Variants in RBFOX1 observed in about 807,000 individuals in gnomAD.
RBFOX1 encodes RNA binding protein fox-1 homolog 1.
A neutral mutation model predicts 57.7 loss-of-function variants in RBFOX1; 8 were observed. That is an observed-to-expected ratio of 0.14 (90% CI 0.08 to 0.25). RBFOX1 has a LOEUF of 0.25. RBFOX1 is among the 10% of genes least tolerant of loss of function. The pLI, the probability that RBFOX1 is intolerant of heterozygous loss-of-function variation, is 1.00. For synonymous variants in RBFOX1, 326 were observed against 222.4 expected, an observed-to-expected ratio of 1.47 and a Z score of -4.15; for missense variants, 611 against 548.5, an observed-to-expected ratio of 1.11 and a Z score of -1.14.
chr16:6,849,916 G>A (rs891686959), intron 3 of RBFOX1, among the ~76,000 whole-genome samples: 6 of 152,144 alleles, frequency 3.9e-5, no homozygotes, highest in Admixed American at 6.5e-5. Context: ...ATATCTCCCA[G>A]TTGACTAGGA....
At chr16:6,855,375 G>A (rs1019467894) in intron 3 of RBFOX1, among the ~76,000 whole-genome samples, 12 of 152,166 alleles carry the variant, frequency 7.9e-5, no homozygotes, top group African/African-American at 2.9e-4. Context: ...ATCTTGGCCG[G>A]GCGCAGTGGC....
rs574345255 is a variant in RBFOX1 at position 5,610,334 on chromosome 16, T to G, written c.318+11373T>G. 7.2e-5 allele frequency: 11 copies of G among 152,332 alleles called. No individual in the cohort carries two copies. In the East Asian group the frequency reaches 1.9e-3, roughly 27 times the overall value. The allele number at this position is 152,332 out of a possible 1,614,324, so 9.4% of individuals were successfully genotyped here. On this transcript the variant is annotated intron_variant, in intron 3 of 19. Transcript: ENST00000641259. ...CATGTTTTATTCACATAGCTTCATG[T>G]GATTGTCAGAGTGTCTCACGGGGTT...
intron 3 of RBFOX1, among the ~76,000 whole-genome samples, chr16:6,983,478 A>G (rs1449904281): frequency 6.6e-6 from 1 of 150,798 alleles, no homozygotes; most frequent in Admixed American, 6.6e-5. Flanking sequence ...ATTATGGAAG[A>G]TGAAAAGGAA....
chr16:6,610,470 G>C lies in RBFOX1; in HGVS notation c.-63-44133G>C, dbSNP rs370831848. 9.9e-5 allele frequency among the ~76,000 whole-genome samples: 15 copies of C among 152,148 alleles called. No homozygotes were observed. The East Asian group carries it at 2.9e-3, about 29-fold the overall frequency. ...AGCCTCCAGAGTAGCTGGAATCACA[G>C]GTGCATGCCACCACACTCAGCTGAT... On this transcript the variant is annotated intron_variant, in intron 2 of 15. Transcript: ENST00000550418.
At chr16:6,557,765 C>G (rs948169377) in intron 2 of RBFOX1, among the ~76,000 whole-genome samples, 1 of 152,184 alleles carries the variant, frequency 6.6e-6, no homozygotes, top group Non-Finnish European at 1.5e-5. Flanking sequence ...TGAAAAATTT[C>G]AGACGGTTCC....
chr16:5,775,409 G>C lies in RBFOX1; in HGVS notation c.319-91894G>C, dbSNP rs180696053. On this transcript the variant is annotated intron_variant, in intron 3 of 19. Transcript: ENST00000641259. ...AACAGAGGGGGTCACTGCGTTGGAG[G>C]GACTGATGCAAGCCAGGCTAGGACT... is the stretch of plus-strand genomic sequence containing the variant. 7.4e-4 allele frequency among the ~76,000 whole-genome samples: 112 copies of C among 152,312 alleles called. 1 individual carries two copies. The highest frequency in any genetic ancestry group is 2.5e-3 in the African/African-American group (103 of 41,570).
At chr16:6,316,489 A>G (rs1354216780) in intron 1 of RBFOX1, among the ~76,000 whole-genome samples, 2 of 152,234 alleles carry the variant, frequency 1.3e-5, no homozygotes, top group Non-Finnish European at 2.9e-5. Context: ...TGCACATTGT[A>G]GAATCCTGCA....
chr16:7,203,436 C>T (rs1464968765), intron 4 of RBFOX1, among the ~76,000 whole-genome samples: 1 of 152,050 alleles, frequency 6.6e-6, no homozygotes, highest in Non-Finnish European at 1.5e-5. Context: ...TATTACAAGA[C>T]AAAAAGAGTT....
Position 5,431,370 on chromosome 16 carries a change from A to G in RBFOX1, c.220-35846A>G, listed in dbSNP as rs1019447471. On this transcript the variant is annotated intron_variant, in intron 1 of 2. Transcript: ENST00000585867. ...GGTTACAGTAATTCTAAGCTGGCTT[A>G]TTTTATTTATTTATTTATTTTTGAG... Among the ~76,000 whole-genome samples, 2 of 151,934 alleles carry G rather than the reference A, an allele frequency of 1.3e-5. 1 individual carries two copies. The highest frequency in any genetic ancestry group is 2.9e-5 in the Non-Finnish European group (2 of 67,978).
chr16:5,759,786 C>G (rs576970334), intron 3 of RBFOX1, among the ~76,000 whole-genome samples: 64 of 129,408 alleles, frequency 4.9e-4, no homozygotes, highest in African/African-American at 1.7e-3. Flanking sequence ...CAGTATTCCT[C>G]TCTGGGATTT....
rs117097325 is a variant in RBFOX1 at position 6,617,723 on chromosome 16, C to T, written c.-63-36880C>T. ...AAGGTGGGCAATAAGGAAGAAGAGACAGCATAGATATTTTGTGCAATTTCA... is the reference window on the plus strand; with the variant it reads ...AAGGTGGGCAATAAGGAAGAAGAGATAGCATAGATATTTTGTGCAATTTCA... On this transcript the variant is annotated intron_variant, in intron 2 of 15. Coordinates refer to ENST00000550418, the MANE Select transcript of RBFOX1 (RefSeq NM_018723.4). Among the ~76,000 whole-genome samples the T allele has an allele frequency of 1.5e-4, 23 of 152,186 alleles. No homozygotes were observed. The East Asian group carries it at 4.3e-3, about 28-fold the overall frequency.
intron 3 of RBFOX1, among the ~76,000 whole-genome samples, chr16:7,049,835 A>G (rs1039164282): frequency 1.9e-4 from 29 of 152,160 alleles, no homozygotes; most frequent in African/African-American, 6.8e-4. Context: ...CTCACCACCC[A>G]CTTCATTTAT....
At chr16:7,616,491 CATAA>C (rs779212188) in intron 10 of RBFOX1, among the ~76,000 whole-genome samples, 6 of 152,204 alleles carry the variant, frequency 3.9e-5, no homozygotes, top group Admixed American at 6.5e-5. Context: ...AGGAATTCAC[CATAA>C]ATAGTTACCA....
chr16:6,594,432 T>C (rs2097756880), intron 2 of RBFOX1, among the ~76,000 whole-genome samples: 1 of 152,046 alleles, frequency 6.6e-6, no homozygotes, highest in Non-Finnish European at 1.5e-5. Flanking sequence ...CAAAAGCAGG[T>C]GGTGGGGGGG....
chr16:7,348,853 A>T (rs2097071185), intron 4 of RBFOX1, among the ~76,000 whole-genome samples: 1 of 152,026 alleles, frequency 6.6e-6, no homozygotes. Context: ...CAGGCAGGAG[A>T]ATCCCTTGAA....
chr16:6,491,081 A>G (rs1025679809), intron 2 of RBFOX1, among the ~76,000 whole-genome samples: 4 of 152,150 alleles, frequency 2.6e-5, no homozygotes, highest in African/African-American at 9.7e-5. Flanking sequence ...AGTATGCAGT[A>G]CTAAAATTTA....
Position 7,711,183 on chromosome 16 carries a change from G to C in RBFOX1, c.*438G>C, listed in dbSNP as rs1252863511. The C allele has an allele frequency of 6.6e-6, 1 of 152,254 alleles. No homozygotes were observed. The highest frequency in any genetic ancestry group is 2.0e-4 in the East Asian group (1 of 5,114). The allele number at this position is 152,254 out of a possible 1,614,324, so 9.4% of individuals were successfully genotyped here. On this transcript the variant is annotated 3_prime_UTR_variant, in exon 16 of 16. Coordinates refer to ENST00000550418, the MANE Select transcript of RBFOX1 (RefSeq NM_018723.4). Reference sequence around the variant, plus strand: ...CATTATTTTATTTTGCGAAAGGGGAGGTTGGGAGGGGCTTAGGGGATTGGA... The same window carrying C: ...CATTATTTTATTTTGCGAAAGGGGACGTTGGGAGGGGCTTAGGGGATTGGA...
At chr16:7,593,878 C>A (rs978007280) in intron 7 of RBFOX1, among the ~76,000 whole-genome samples, 1 of 152,166 alleles carries the variant, frequency 6.6e-6, no homozygotes, top group African/African-American at 2.4e-5. Flanking sequence ...TAATCATCTA[C>A]CCTCACTTGA....
At chr16:6,292,624 T>C (rs1418268332) in intron 1 of RBFOX1, among the ~76,000 whole-genome samples, 1 of 152,148 alleles carries the variant, frequency 6.6e-6, no homozygotes, top group Non-Finnish European at 1.5e-5. Flanking sequence ...TCAATTTGTT[T>C]TTCACTGTGG....
Sources: gnomAD v4.1 joint callset for allele counts (sites outside exome capture counted in the v4.1 genomes callset) on GRCh38, gnomAD v4.1.1 for gene constraint, MANE v1.5 for transcripts, NCBI Gene and HGNC (gene_info 2026-07-23, HGNC 2026-07-21) for gene names.